DSE: variants seen among roughly 807,000 people sequenced by gnomAD.
DSE encodes the protein dermatan-sulfate epimerase.
A neutral mutation model predicts 84.4 loss-of-function variants in DSE; 36 were observed. That is an observed-to-expected ratio of 0.43 (90% CI 0.33 to 0.56). DSE has a LOEUF of 0.56. Ranked by LOEUF, DSE falls within the 20% of genes least tolerant of loss-of-function variation. The probability of loss-of-function intolerance (pLI) is 0.06; values close to 1 mark genes in which losing one functional copy is unlikely to be tolerated. For missense variants in DSE, 862 were observed against 1,169.6 expected, an observed-to-expected ratio of 0.74 and a Z score of 3.84; for synonymous variants, 410 against 430.1, an observed-to-expected ratio of 0.95 and a Z score of 0.58.
intron 2 of DSE, among the ~76,000 whole-genome samples, chr6:116,316,217 T>C (rs545191766): frequency 4.3e-4 from 66 of 152,290 alleles, no homozygotes; most frequent in African/African-American, 1.4e-3. Context: ...TTGAACCTTT[T>C]GTTTAAAGGG....
At chr6:116,390,220 A>T (rs1267323690) in intron 1 of DSE, among the ~76,000 whole-genome samples, 2 of 151,906 alleles carry the variant, frequency 1.3e-5, no homozygotes, top group Non-Finnish European at 2.9e-5. Context: ...GGTACATGCC[A>T]CAACACCCAA....
At chr6:116,424,367 C>T (rs904807438) in intron 2 of DSE, among the ~76,000 whole-genome samples, 68 of 152,318 alleles carry the variant, frequency 4.5e-4, no homozygotes, top group African/African-American at 1.6e-3. Flanking sequence ...TTGTCTGTTA[C>T]TAAATTGCTA....
chr6:116,429,532 T>A (rs1783671707), intron 3 of DSE, among the ~76,000 whole-genome samples: 1 of 152,216 alleles, frequency 6.6e-6, no homozygotes, highest in Non-Finnish European at 1.5e-5. Flanking sequence ...TCATTTTTAG[T>A]CATGTGCCAG....
chr6:116,334,586 G>A (rs1428551880), intron 2 of DSE, among the ~76,000 whole-genome samples: 2 of 152,060 alleles, frequency 1.3e-5, no homozygotes, highest in African/African-American at 4.8e-5. Flanking sequence ...TCTTCATCAT[G>A]AAATCTTTGC....
upstream of DSE, among the ~76,000 whole-genome samples, chr6:116,365,897 A>C (rs150767299): frequency 1.4e-4 from 21 of 152,332 alleles, no homozygotes; most frequent in African/African-American, 4.3e-4. Context: ...AACTACTTTT[A>C]GCAGGGTTCT....
upstream of DSE, chr6:116,369,910 T>C (rs1350618668): frequency 7.8e-7 from 1 of 1,289,324 alleles, no homozygotes; most frequent in South Asian, 1.2e-5. Flanking sequence ...GTAAAATATC[T>C]CTCATTCTAA....
rs1784477619 is a variant in DSE, at chr6:116,443,059, T to A, written c.*5714T>A. On this transcript the variant is annotated 3_prime_UTR_variant, in exon 6 of 6. Coordinates refer to ENST00000644252, the MANE Select transcript of DSE (RefSeq NM_013352.4). ...TCTTTTTAAATAATCAGATTTGCATTTTAGAAAGGCAATTTTAGCTTCAGT... is the reference window on the plus strand; with the variant it reads ...TCTTTTTAAATAATCAGATTTGCATATTAGAAAGGCAATTTTAGCTTCAGT... The A allele has an allele frequency of 6.6e-6, 1 of 152,198 alleles. No homozygotes were observed. The highest frequency in any genetic ancestry group is 2.4e-5 in the African/African-American group (1 of 41,422). The allele number at this position is 152,198 out of a possible 1,614,324, so 9.4% of individuals were successfully genotyped here.
At chr6:116,368,963 G>T, upstream of DSE, among the ~76,000 whole-genome samples, 1 of 151,778 alleles carries the variant, frequency 6.6e-6, no homozygotes. Context: ...TTTGCACAAA[G>T]TGAATGTCAT....
At chr6:116,427,598 T>A (rs1783527347) in intron 3 of DSE, among the ~76,000 whole-genome samples, 1 of 152,214 alleles carries the variant, frequency 6.6e-6, no homozygotes, top group Non-Finnish European at 1.5e-5. Context: ...CCTTGTCACA[T>A]CAACCAACCG....
At chr6:116,417,318 A>T (rs539166975) in intron 2 of DSE, among the ~76,000 whole-genome samples, 1 of 152,332 alleles carries the variant, frequency 6.6e-6, no homozygotes, top group Admixed American at 6.5e-5. Context: ...TCATGGAAGT[A>T]AACATTGAGA....
At chr6:116,269,350 G>T (rs1019703642) in intron 2 of DSE, among the ~76,000 whole-genome samples, 5 of 152,136 alleles carry the variant, frequency 3.3e-5, no homozygotes, top group Admixed American at 3.3e-4. Context: ...AAGCTGACTT[G>T]CTCATTTTTA....
chr6:116,354,613 G>A (rs1345723996), intron 2 of DSE, among the ~76,000 whole-genome samples: 3 of 152,132 alleles, frequency 2.0e-5, no homozygotes, highest in Non-Finnish European at 2.9e-5. Flanking sequence ...TTGGTGAGGT[G>A]ATTTATCTTC....
intron 2 of DSE, chr6:116,278,131 C>G (rs1773253404): frequency 3.3e-6 from 1 of 301,638 alleles, no homozygotes; most frequent in African/African-American, 2.2e-5. Flanking sequence ...CAATGCAGAG[C>G]TGAGTAGGTG....
intron 2 of DSE, among the ~76,000 whole-genome samples, chr6:116,324,439 C>G (rs745345502): frequency 6.6e-6 from 1 of 152,218 alleles, no homozygotes; most frequent in Non-Finnish European, 1.5e-5. Flanking sequence ...GTCAAATAGT[C>G]ACAGGTGAAA....
At chr6:116,368,613 G>A (rs1239209026), upstream of DSE, among the ~76,000 whole-genome samples, 4 of 152,124 alleles carry the variant, frequency 2.6e-5, no homozygotes, top group Non-Finnish European at 5.9e-5. Flanking sequence ...GAGTCAGCTG[G>A]GTAATATTGC....
At chr6:116,363,062 A>G (rs1264933134) in intron 2 of DSE, among the ~76,000 whole-genome samples, 5 of 152,198 alleles carry the variant, frequency 3.3e-5, no homozygotes, top group Admixed American at 6.5e-5. Context: ...GAATTAACCC[A>G]TTAATTTCCC....
intron 2 of DSE, among the ~76,000 whole-genome samples, chr6:116,330,548 G>T (rs182398308): frequency 5.3e-5 from 8 of 152,030 alleles, no homozygotes; most frequent in Non-Finnish European, 1.2e-4. Context: ...AACTACCACC[G>T]ATTTTGGTAA....
chr6:116,391,233 T>A (rs1383308306), intron 1 of DSE, among the ~76,000 whole-genome samples: 1 of 152,250 alleles, frequency 6.6e-6, no homozygotes, highest in Non-Finnish European at 1.5e-5. Context: ...GTTCTTTGAC[T>A]GTACAGAGCT....
chr6:116,391,332 T>C (rs1315046481), intron 1 of DSE, among the ~76,000 whole-genome samples: 1 of 152,220 alleles, frequency 6.6e-6, no homozygotes, highest in Non-Finnish European at 1.5e-5. Context: ...GTGGTTTTGC[T>C]GTGTGGCCTC....
Sources: allele counts gnomAD v4.1 joint callset (sites outside exome capture counted in the v4.1 genomes callset), GRCh38; gene constraint gnomAD v4.1.1; transcripts MANE v1.5; gene names NCBI Gene and HGNC (gene_info 2026-07-23, HGNC 2026-07-21).